The following KLHL3 variants were observed in gnomAD, a reference collection of about 807,000 sequenced individuals.
The protein encoded by KLHL3 is kelch like family member 3, also known as kelch-like protein 3.
Under a neutral mutation model 70.5 loss-of-function variants are expected in KLHL3, and 19 were observed. That is an observed-to-expected ratio of 0.27 (90% CI 0.19 to 0.40). The LOEUF is 0.40. KLHL3 is among the 10% of genes least tolerant of loss of function. The pLI is 1.00. For missense variants in KLHL3, 512 were observed against 771.1 expected (o/e 0.66, Z 3.98); for synonymous variants, 258 against 290.3 (o/e 0.89, Z 1.13).
At position 137,628,412 on chromosome 5, in the gene KLHL3, C is replaced by T; in HGVS notation, c.1476G>A (p.Leu492=). 1 of 1,614,212 alleles carries T rather than the reference C, an allele frequency of 6.2e-7. No individual in the cohort carries two copies. Among genetic ancestry groups the T allele is most frequent in the South Asian group, 1.1e-5 (1 of 91,088 alleles). ...GCCCATCATGCCCACCTGTGGCGTA[C>T]AGCTGTCCGCTAAGCACTCCAACCC... ...GAGVGVLSGQ[L]YATGGHDGPL... The change falls in exon 13 of 15, where the codon CTG becomes CTA. Residue 492 remains leucine (L), a synonymous_variant. Coordinates refer to ENST00000309755, the MANE Select transcript of KLHL3 (RefSeq NM_017415.3).
Position 137,658,153 on chromosome 5 carries a change from C to G in KLHL3, c.881G>C (p.Arg294Thr). 6.2e-7 allele frequency: 1 copy of G among 1,613,586 alleles called. No homozygotes were observed. Among genetic ancestry groups the G allele is most frequent in the Non-Finnish European group, 8.5e-7 (1 of 1,179,958 alleles). Reference sequence around the variant, plus strand: ...TACCTTGGGAAGGCTGACTGGAGTCCTGGGCTTGGTCCTTGGGTTCTTAAT... The same window carrying G: ...TACCTTGGGAAGGCTGACTGGAGTCGTGGGCTTGGTCCTTGGGTTCTTAAT... Reference protein sequence around the residue: ...LLIKNPRTKPRTPVSLPKVMI... With the variant: ...LLIKNPRTKPTTPVSLPKVMI... The change falls in exon 8 of 15, where the codon AGG becomes ACG. Residue 294 changes from arginine to threonine, a missense_variant. Arg to Thr is a moderately conservative substitution (Grantham distance 71). Coordinates refer to ENST00000309755, the MANE Select transcript of KLHL3 (RefSeq NM_017415.3).
intron 12 of KLHL3, among the ~76,000 whole-genome samples, chr5:137,633,196 C>T (rs1178191907): frequency 2.9e-5 from 4 of 136,708 alleles, no homozygotes; most frequent in South Asian, 5.2e-4. Context: ...AGGAGAATGG[C>T]GGAACCCGGG....
intron 4 of KLHL3, among the ~76,000 whole-genome samples, chr5:137,697,780 G>GA (rs1168912749): frequency 5.3e-5 from 8 of 151,850 alleles, no homozygotes; most frequent in East Asian, 1.9e-4. Flanking sequence ...TATTTTACAG[G>GA]AAAAAAAAGT....
intron 4 of KLHL3, among the ~76,000 whole-genome samples, chr5:137,697,916 C>T (rs1174266472): frequency 2.0e-5 from 3 of 152,206 alleles, no homozygotes; most frequent in Non-Finnish European, 4.4e-5. Context: ...AAAAGTTATT[C>T]ACCTGTTTGA....
At chr5:137,713,570 T>C (rs1025687740) in intron 2 of KLHL3, among the ~76,000 whole-genome samples, 1 of 152,124 alleles carries the variant, frequency 6.6e-6, no homozygotes, top group Non-Finnish European at 1.5e-5. Flanking sequence ...GCTAAAACTA[T>C]AAAAACTCTT....
intron 14 of KLHL3, among the ~76,000 whole-genome samples, 163 bp downstream of exon 14, chr5:137,625,590 G>T (rs564176526): frequency 1.3e-5 from 2 of 152,170 alleles, no homozygotes; most frequent in Non-Finnish European, 1.5e-5. Flanking sequence ...AGTGCAGAAT[G>T]AAGGAGTGGT....
Position 137,662,014 on chromosome 5 carries a change from G to C in KLHL3, c.654C>G (p.Ile218Met). The change falls in exon 7 of 15, where the codon ATC (isoleucine) becomes ATG (methionine). Residue 218 changes from isoleucine (I) to methionine (M), a missense_variant. Coordinates refer to ENST00000309755, the MANE Select transcript of KLHL3 (RefSeq NM_017415.3). ...TTTCTTTCTCATAATTGATCCATGA[G>C]ATCACAGCTTCAAACACCTATAAAG... ...SSEEKVFEAV[I>M]SWINYEKETR... 1 of 1,605,368 alleles carries C rather than the reference G, an allele frequency of 6.2e-7. No homozygotes were observed.
intron 1 of KLHL3, among the ~76,000 whole-genome samples, chr5:137,730,678 A>G (rs1753159347): frequency 6.6e-6 from 1 of 152,236 alleles, no homozygotes; most frequent in South Asian, 2.1e-4. Flanking sequence ...ACAGACAGAT[A>G]GAATTAGACA....
intron 6 of KLHL3, among the ~76,000 whole-genome samples, chr5:137,671,405 A>G (rs1325382612): frequency 6.6e-6 from 1 of 152,132 alleles, no homozygotes; most frequent in African/African-American, 2.4e-5. Context: ...GCCACGTACT[A>G]TGGACACATG....
At chr5:137,712,456 G>A (rs1007363846) in intron 2 of KLHL3, among the ~76,000 whole-genome samples, 13 of 152,160 alleles carry the variant, frequency 8.5e-5, no homozygotes, top group African/African-American at 3.1e-4. Flanking sequence ...CACTAACCTG[G>A]GAAATTGGCC....
chr5:137,725,269 T>TCA (rs145472970), intron 1 of KLHL3, among the ~76,000 whole-genome samples: 31 of 151,568 alleles, frequency 2.0e-4, no homozygotes, highest in East Asian at 5.8e-4. Context: ...CCAGCCAAAA[T>TCA]CACACACACA....
rs544447963 is a variant in KLHL3, at chr5:137,720,129, G to A, written c.134+336C>T. ...AGCCTGACCAACATGGTGAAACCCC[G>A]TCTCTACTAAAAATACAAAAATTAG... is the stretch of plus-strand genomic sequence containing the variant. On this transcript the variant is annotated intron_variant, in intron 2 of 14. Coordinates refer to ENST00000309755, the MANE Select transcript of KLHL3 (RefSeq NM_017415.3). Among the ~76,000 whole-genome samples the A allele has an allele frequency of 7.1e-4, 108 of 151,844 alleles. 1 individual carries two copies. The highest frequency in any genetic ancestry group is 2.0e-3 in the Admixed American group (30 of 15,224).
At chr5:137,729,964 A>G (rs1257962396) in intron 1 of KLHL3, among the ~76,000 whole-genome samples, 3 of 152,180 alleles carry the variant, frequency 2.0e-5, no homozygotes, top group Non-Finnish European at 4.4e-5. Flanking sequence ...CTCAGTTCAT[A>G]GAATTAGGCT....
At chr5:137,728,317 T>A (rs1261330600) in intron 1 of KLHL3, among the ~76,000 whole-genome samples, 1 of 152,172 alleles carries the variant, frequency 6.6e-6, no homozygotes, top group Non-Finnish European at 1.5e-5. Context: ...TTAGCTTCTG[T>A]CACATGACAG....
chr5:137,628,072 G>GA, intron 13 of KLHL3: 1 of 559,130 alleles, frequency 1.8e-6, no homozygotes, highest in South Asian at 2.0e-5. Context: ...TCACTGCGGG[G>GA]AAAGGGGATC....
At chr5:137,695,150 G>A (rs1194306113) in intron 4 of KLHL3, among the ~76,000 whole-genome samples, 1 of 152,172 alleles carries the variant, frequency 6.6e-6, no homozygotes, top group Non-Finnish European at 1.5e-5. Context: ...CCAGAGAAAT[G>A]AAATAATAAA....
At chr5:137,712,872 G>A (rs1752820843) in intron 2 of KLHL3, among the ~76,000 whole-genome samples, 1 of 151,970 alleles carries the variant, frequency 6.6e-6, no homozygotes, top group African/African-American at 2.4e-5. Flanking sequence ...ATCAGATAAT[G>A]CATAGTGCTA....
chr5:137,684,044 G>C (rs990263424), intron 5 of KLHL3, among the ~76,000 whole-genome samples: 1 of 152,210 alleles, frequency 6.6e-6, no homozygotes, highest in Non-Finnish European at 1.5e-5. Flanking sequence ...GGCTAGGCTG[G>C]TCTGGGTGGG....
intron 6 of KLHL3, among the ~76,000 whole-genome samples, chr5:137,666,459 C>T (rs1751617170): frequency 6.6e-6 from 1 of 152,210 alleles, no homozygotes; most frequent in Admixed American, 6.5e-5. Context: ...CCTAGCACAA[C>T]ACAAGGTAAC....
Sources: allele counts gnomAD v4.1 joint callset (sites outside exome capture counted in the v4.1 genomes callset), GRCh38; gene constraint gnomAD v4.1.1; transcripts MANE v1.5; gene names NCBI Gene and HGNC (gene_info 2026-07-23, HGNC 2026-07-21).